Variants in HDX observed in about 807,000 individuals in gnomAD.
HDX encodes highly divergent homeobox.
Under a neutral mutation model 45.2 loss-of-function variants are expected in HDX, and 19 were observed. That is an observed-to-expected ratio of 0.42 (90% CI 0.29 to 0.62). The LOEUF is 0.62. HDX is among the 20% of genes least tolerant of loss of function. The probability of loss-of-function intolerance (pLI) is 0.20; values close to 1 mark genes in which losing one functional copy is unlikely to be tolerated. For synonymous variants in HDX, 188 were observed against 172.8 expected (o/e 1.09, Z -0.69); for missense variants, 532 against 493.9 (o/e 1.08, Z -0.73).
At chrX:84,364,429 A>G (rs991121221) in intron 5 of HDX, among the ~76,000 whole-genome samples, 5 of 107,773 alleles carry the variant, frequency 4.6e-5, no homozygotes, top group African/African-American at 1.7e-4. Context: ...TTTTCAATGT[A>G]CAATTCAGTA....
chrX:84,356,767 C>T (rs1483575046), intron 6 of HDX, among the ~76,000 whole-genome samples: 1 of 109,115 alleles, frequency 9.2e-6, no homozygotes, highest in Non-Finnish European at 1.9e-5. Flanking sequence ...GGACTATAGG[C>T]GCCCGCCACC....
At chrX:84,392,957 T>G (rs1184898473) in intron 5 of HDX, among the ~76,000 whole-genome samples, 1 of 102,924 alleles carries the variant, frequency 9.7e-6, no homozygotes, top group African/African-American at 3.4e-5. Context: ...TTGGACTTCT[T>G]GTTTCCCAAT....
At chrX:84,351,771 G>A (rs1378893614) in intron 6 of HDX, among the ~76,000 whole-genome samples, 2 of 111,207 alleles carry the variant, frequency 1.8e-5, no homozygotes, top group African/African-American at 6.5e-5. Context: ...ACCCTTCAGA[G>A]TCTTCTTATG....
chrX:84,453,398 A>T (rs761333961), intron 4 of HDX, among the ~76,000 whole-genome samples: 33 of 111,881 alleles, frequency 2.9e-4, no homozygotes, highest in African/African-American at 9.7e-4. Flanking sequence ...GCAGAGAAAA[A>T]GTCTGTGCAC....
At chrX:84,466,180 G>A (rs1275831603) in intron 4 of HDX, among the ~76,000 whole-genome samples, 1 of 112,090 alleles carries the variant, frequency 8.9e-6, no homozygotes, top group Non-Finnish European at 1.9e-5. Context: ...AATTTTACTT[G>A]AAATTGGAAC....
intron 9 of HDX, among the ~76,000 whole-genome samples, chrX:84,331,178 T>C (rs1348675244): frequency 9.0e-6 from 1 of 111,523 alleles, no homozygotes; most frequent in Non-Finnish European, 1.9e-5. Flanking sequence ...CCCATCAAAG[T>C]GTCTCATAAA....
intron 4 of HDX, among the ~76,000 whole-genome samples, chrX:84,459,340 G>T (rs975963154): frequency 1.8e-5 from 2 of 110,109 alleles, no homozygotes; most frequent in Non-Finnish European, 1.9e-5. Context: ...TGCTCGGGAG[G>T]CTGAGACAGG....
chrX:84,373,706 C>A (rs1300819452), intron 5 of HDX, among the ~76,000 whole-genome samples: 1 of 111,273 alleles, frequency 9.0e-6, no homozygotes, highest in African/African-American at 3.3e-5. Context: ...CAAAATTCAA[C>A]AACTCTTCAT....
At chrX:84,458,993 A>G (rs2040174629) in intron 4 of HDX, among the ~76,000 whole-genome samples, 1 of 112,341 alleles carries the variant, frequency 8.9e-6, no homozygotes, top group South Asian at 3.6e-4. Context: ...CTACCAAAAA[A>G]GTGTTTTAAA....
At chrX:84,490,880 G>A (rs997165636) in intron 1 of HDX, among the ~76,000 whole-genome samples, 1 of 109,622 alleles carries the variant, frequency 9.1e-6, no homozygotes, top group Non-Finnish European at 1.9e-5. Flanking sequence ...TTTCTGTGTT[G>A]CATTGTTTCC....
At chrX:84,483,737 A>C (rs1027812134) in intron 2 of HDX, among the ~76,000 whole-genome samples, 1 of 112,370 alleles carries the variant, frequency 8.9e-6, no homozygotes, top group Non-Finnish European at 1.9e-5. Flanking sequence ...CAGAAAATGT[A>C]ATTTTTCTTT....
intron 5 of HDX, among the ~76,000 whole-genome samples, chrX:84,410,786 A>G (rs4474162): frequency 0.072 from 8,051 of 111,308 alleles, 470 homozygotes; most frequent in East Asian, 0.45. Context: ...GCTGTGAATC[A>G]GTCTGGTCCT....
Position 84,469,427 on chromosome X carries a change from G to A in HDX, c.296C>T (p.Thr99Ile), listed in dbSNP as rs2040415326. 4.1e-6 allele frequency: 5 copies of A among 1,210,915 alleles called. No individual in the cohort carries two copies. The highest frequency in any genetic ancestry group is 1.1e-6 in the Non-Finnish European group (1 of 895,056). ...ARPSSQQSSW[T>I]SANNDVIVTG... is the part of the protein sequence containing the mutation. ...TACAATGACATCATTATTGGCAGAT[G>A]TCCAAGAAGACTGCTGGCTTGAGGG... The change falls in exon 4 of 11, where the codon ACA (threonine) becomes ATA (isoleucine). Residue 99 changes from threonine to isoleucine, a missense_variant. By Grantham distance (89) the Thr-to-Ile change is moderately conservative (BLOSUM62 -1). Transcript: ENST00000373177.
At chrX:84,458,894 A>C (rs1352290338) in intron 4 of HDX, among the ~76,000 whole-genome samples, 1 of 111,992 alleles carries the variant, frequency 8.9e-6, no homozygotes, top group East Asian at 2.8e-4. Context: ...TGCTTTCAGA[A>C]AAAAAAAGAA....
intron 6 of HDX, among the ~76,000 whole-genome samples, chrX:84,347,464 T>C (rs761157586): frequency 1.8e-5 from 2 of 111,741 alleles, no homozygotes; most frequent in African/African-American, 3.2e-5. Flanking sequence ...GCACTACTTA[T>C]CTGCATCCCA....
intron 1 of HDX, among the ~76,000 whole-genome samples, chrX:84,489,482 TC>T (rs1569375546): frequency 8.9e-6 from 1 of 112,045 alleles, no homozygotes; most frequent in Non-Finnish European, 1.9e-5. Context: ...GGTTGGGGAC[TC>T]TTGGATAGAA....
chrX:84,401,777 T>C (rs1334008750), intron 5 of HDX, among the ~76,000 whole-genome samples: 1 of 112,034 alleles, frequency 8.9e-6, no homozygotes, highest in Non-Finnish European at 1.9e-5. Flanking sequence ...TGCAGCACTA[T>C]TTACAAGAGC....
chrX:84,399,358 AC>A (rs1353057100), intron 5 of HDX, among the ~76,000 whole-genome samples: 1 of 110,914 alleles, frequency 9.0e-6, no homozygotes, highest in Non-Finnish European at 1.9e-5. Flanking sequence ...CAAATAGACA[AC>A]AATAAAACAT....
chrX:84,388,860 T>C (rs2038379264), intron 5 of HDX, among the ~76,000 whole-genome samples: 2 of 111,755 alleles, frequency 1.8e-5, no homozygotes, highest in African/African-American at 6.5e-5. Flanking sequence ...TAAGGGACAC[T>C]GTGGCTTTTG....
Sources: allele counts gnomAD v4.1 joint callset (sites outside exome capture counted in the v4.1 genomes callset), GRCh38; gene constraint gnomAD v4.1.1; transcripts MANE v1.5; gene names NCBI Gene and HGNC (gene_info 2026-07-23, HGNC 2026-07-21).